The following AJAP1 variants were observed in gnomAD, a reference collection of about 807,000 sequenced individuals.
AJAP1 encodes the protein adherens junction-associated protein 1.
Under a neutral mutation model 35.0 loss-of-function variants are expected in AJAP1, and 5 were observed. The ratio of observed to expected loss-of-function variants is 0.14; its 90% CI spans 0.07 to 0.30. The LOEUF (loss-of-function observed/expected upper bound fraction) is 0.30. Ranked by LOEUF, AJAP1 falls within the 10% of genes least tolerant of loss-of-function variation. The probability of loss-of-function intolerance (pLI) is 1.00; values close to 1 mark genes in which losing one functional copy is unlikely to be tolerated. For missense variants in AJAP1, 586 were observed against 571.0 expected, an observed-to-expected ratio of 1.03 and a Z score of -0.27; for synonymous variants, 284 against 249.3, an observed-to-expected ratio of 1.14 and a Z score of -1.31.
intron 1 of AJAP1, among the ~76,000 whole-genome samples, chr1:4,680,726 T>C (rs11799715): frequency 0.081 from 12,306 of 152,268 alleles, 703 homozygotes; most frequent in East Asian, 0.22. Context: ...TCAGGTGCAC[T>C]GGAGTTTTTA....
intron 1 of AJAP1, among the ~76,000 whole-genome samples, chr1:4,706,922 T>C (rs1002025499): frequency 2.0e-5 from 3 of 152,156 alleles, no homozygotes; most frequent in African/African-American, 7.2e-5. Context: ...TTGTTCCCCA[T>C]TTGGAAGCAG....
intron 2 of AJAP1, among the ~76,000 whole-genome samples, chr1:4,758,004 C>T (rs1235479917): frequency 6.6e-6 from 1 of 152,086 alleles, no homozygotes; most frequent in Non-Finnish European, 1.5e-5. Flanking sequence ...AGTGAGTTCT[C>T]ATTCTCATGA....
chr1:4,757,589 G>A (rs897025601), intron 2 of AJAP1, among the ~76,000 whole-genome samples: 5 of 152,222 alleles, frequency 3.3e-5, no homozygotes, highest in Non-Finnish European at 4.4e-5. Context: ...CAGGTACCTG[G>A]GGAGTGGGTC....
intron 1 of AJAP1, among the ~76,000 whole-genome samples, chr1:4,683,576 A>G (rs1639535367): frequency 6.6e-6 from 1 of 152,246 alleles, no homozygotes; most frequent in African/African-American, 2.4e-5. Flanking sequence ...AAAGAAATGT[A>G]GGCAAGGAAT....
At chr1:4,691,777 G>A (rs530970916) in intron 1 of AJAP1, among the ~76,000 whole-genome samples, 4 of 152,272 alleles carry the variant, frequency 2.6e-5, no homozygotes, top group East Asian at 3.9e-4. Flanking sequence ...CTTTGAGGTC[G>A]GTGGTGAAAA....
At chr1:4,738,597 G>A (rs1293260240) in intron 2 of AJAP1, among the ~76,000 whole-genome samples, 1 of 152,150 alleles carries the variant, frequency 6.6e-6, no homozygotes, top group Non-Finnish European at 1.5e-5. Context: ...TGGGAGCCAG[G>A]GCAGGCCCCC....
chr1:4,748,108 C>A (rs972664652), intron 2 of AJAP1, among the ~76,000 whole-genome samples: 8 of 152,142 alleles, frequency 5.3e-5, no homozygotes, highest in Non-Finnish European at 1.0e-4. Flanking sequence ...ACAGTGTCAA[C>A]CTGGCCATCC....
In AJAP1 at chr1:4,712,120, C is replaced by T. The variant is rs1360223599; in HGVS notation, c.250C>T (p.Pro84Ser). 15 of 1,545,704 alleles carry T rather than the reference C, an allele frequency of 9.7e-6. No individual in the cohort carries two copies. Among genetic ancestry groups the T allele is most frequent in the South Asian group, 1.2e-5 (1 of 82,090 alleles). ...GGCCCCGGTGTGGAGCCCCCGGCCG[C>T]CCCGAGTGGAGCGGATCCACGGGCA... ...VPAPVWSPRP[P>S]RVERIHGQMQ... The change falls in exon 2 of 6, where the codon CCC (proline) becomes TCC (serine). Residue 84 changes from proline to serine, a missense_variant. Transcript: ENST00000378191.
chr1:4,680,964 G>A (rs115464622), intron 1 of AJAP1, among the ~76,000 whole-genome samples: 4,150 of 152,216 alleles, frequency 0.027, 113 homozygotes, highest in East Asian at 0.074. Context: ...TTTGGCATTC[G>A]AATTCAGGTG....
At position 4,693,193 on chromosome 1, in the gene AJAP1, C is replaced by T. The variant is rs534899753; in HGVS notation, c.30-18707C>T. Among the ~76,000 whole-genome samples the T allele has an allele frequency of 4.7e-4, 71 of 152,078 alleles. No homozygotes were observed. Among genetic ancestry groups the T allele is most frequent in the Non-Finnish European group, 7.9e-4 (54 of 68,016 alleles). On this transcript the variant is annotated intron_variant, in intron 1 of 5. Transcript: ENST00000378191. The surrounding 1 kb of genome is among the most constrained non-coding windows in gnomAD (Gnocchi z 4.4). ...AGCCCCCATGAAGGCCCCATGCTGC[C>T]CAGGATTCAAAGGCCCACCCGAGTG...
At chr1:4,677,281 C>T (rs1639382399) in intron 1 of AJAP1, among the ~76,000 whole-genome samples, 1 of 152,178 alleles carries the variant, frequency 6.6e-6, no homozygotes, top group Admixed American at 6.5e-5. Flanking sequence ...GGGGGACCCG[C>T]CAGCAGACAG....
chr1:4,715,967 C>G (rs1380823642), intron 2 of AJAP1, among the ~76,000 whole-genome samples: 1 of 152,218 alleles, frequency 6.6e-6, no homozygotes, highest in Non-Finnish European at 1.5e-5. Context: ...GATGAAACAT[C>G]CATTAAGTGA....
At position 4,786,548 on chromosome 1, in the gene AJAP1, T is replaced by G. The variant is rs1458596222; in HGVS notation, c.*4063T>G. ...GCTTAGAGGGATTGGTCTTCAAAAT[T>G]TTGTGTGTGATGCCCAATGTGTAGG... On this transcript the variant is annotated 3_prime_UTR_variant, in exon 6 of 6. Coordinates refer to ENST00000378191, the MANE Select transcript of AJAP1 (RefSeq NM_018836.4). 4 of 152,158 alleles carry G rather than the reference T, an allele frequency of 2.6e-5. No individual in the cohort carries two copies. The highest frequency in any genetic ancestry group is 7.2e-5 in the African/African-American group (3 of 41,448). 9.4% of individuals were successfully genotyped at this position (152,158 alleles called of 1,614,324 possible).
In AJAP1 at chr1:4,671,834, G is replaced by A. The variant is rs374053470; in HGVS notation, c.29+16380G>A. 4.6e-5 allele frequency among the ~76,000 whole-genome samples: 7 copies of A among 152,336 alleles called. No homozygotes were observed. The East Asian group carries it at 9.7e-4, about 21-fold the overall frequency. On this transcript the variant is annotated intron_variant, in intron 1 of 5. Coordinates refer to ENST00000378191, the MANE Select transcript of AJAP1 (RefSeq NM_018836.4). ...AATTAATGGAAACAAGGTGCTTCAC[G>A]AGGAAGCTGGTCAGAGCCTGCTTTT...
At chr1:4,707,266 C>G (rs1292252981) in intron 1 of AJAP1, among the ~76,000 whole-genome samples, 1 of 152,184 alleles carries the variant, frequency 6.6e-6, no homozygotes, top group Non-Finnish European at 1.5e-5. Flanking sequence ...CTAGCATGTT[C>G]CTTTTGATTT....
At chr1:4,684,549 C>A (rs1005378226) in intron 1 of AJAP1, among the ~76,000 whole-genome samples, 2 of 152,166 alleles carry the variant, frequency 1.3e-5, no homozygotes, top group African/African-American at 4.8e-5. Flanking sequence ...TTTCCAGGAG[C>A]TGTTTCTCAC....
intron 2 of AJAP1, among the ~76,000 whole-genome samples, chr1:4,717,931 C>T (rs1316657466): frequency 6.6e-6 from 1 of 152,178 alleles, no homozygotes; most frequent in African/African-American, 2.4e-5. Context: ...TGAATCTGTC[C>T]TTAATTTAAA....
intron 1 of AJAP1, among the ~76,000 whole-genome samples, chr1:4,689,053 C>T (rs562594986): frequency 2.0e-5 from 3 of 152,200 alleles, no homozygotes; most frequent in East Asian, 2.0e-4. Flanking sequence ...GCCTGCCCCC[C>T]TCACTCGCCT....
intron 2 of AJAP1, among the ~76,000 whole-genome samples, chr1:4,738,599 C>A (rs1030352089): frequency 1.3e-5 from 2 of 152,114 alleles, no homozygotes; most frequent in Non-Finnish European, 1.5e-5. Flanking sequence ...GGAGCCAGGG[C>A]AGGCCCCCCA....
Sources: allele counts gnomAD v4.1 joint callset (sites outside exome capture counted in the v4.1 genomes callset), GRCh38; gene constraint gnomAD v4.1.1; non-coding constraint Gnocchi (gnomAD v3.1); transcripts MANE v1.5; gene names NCBI Gene and HGNC (gene_info 2026-07-23, HGNC 2026-07-21).